Variants in BMPR2 observed in about 807,000 individuals in gnomAD.
BMPR2 encodes the protein bone morphogenetic protein receptor type-2.
In BMPR2, 29 loss-of-function variants were observed where a neutral mutation model predicts 100.8. The observed-to-expected ratio is 0.29, with a 90% CI of 0.21 to 0.39. BMPR2 has a LOEUF of 0.39. Among genes scored for constraint, BMPR2 ranks in the 10% least tolerant of loss-of-function variants. The probability of loss-of-function intolerance (pLI) is 1.00; values close to 1 mark genes in which losing one functional copy is unlikely to be tolerated. For synonymous variants in BMPR2, 382 were observed against 442.3 expected (o/e 0.86, Z 1.71); for missense variants, 1,011 against 1,274.5 (o/e 0.79, Z 3.15).
intron 1 of BMPR2, among the ~76,000 whole-genome samples, chr2:202,392,763 C>T (rs1319707051): frequency 1.3e-5 from 2 of 151,960 alleles, no homozygotes; most frequent in Admixed American, 6.6e-5. Flanking sequence ...GAGGCCGAGG[C>T]GGGCAGATCA....
chr2:202,412,169 A>G (rs750033468), intron 1 of BMPR2, among the ~76,000 whole-genome samples: 2 of 152,240 alleles, frequency 1.3e-5, no homozygotes, highest in Non-Finnish European at 2.9e-5. Flanking sequence ...CACATGTATT[A>G]GAGACACATG....
rs573779209 is a variant in BMPR2 at position 202,564,327 on chromosome 2, A to T, written c.*4381A>T. On this transcript the variant is annotated 3_prime_UTR_variant, in exon 13 of 13. Coordinates refer to ENST00000374580, the MANE Select transcript of BMPR2 (RefSeq NM_001204.7). ...GTTATGTGCAGGTTATTATGTAACT[A>T]TTCACAGATTGCTTCATATATTGCT... The T allele has an allele frequency of 6.6e-6, 1 of 152,328 alleles. No individual in the cohort carries two copies. The highest frequency in any genetic ancestry group is 1.9e-4 in the East Asian group (1 of 5,188). The allele number at this position is 152,328 out of a possible 1,614,324, so 9.4% of individuals were successfully genotyped here. A position where few individuals can be genotyped will look rare whatever the true frequency, so the allele number is the denominator to read the frequency against.
chr2:202,383,025 G>A (rs542039560), intron 1 of BMPR2, among the ~76,000 whole-genome samples: 2 of 152,262 alleles, frequency 1.3e-5, no homozygotes, highest in East Asian at 1.9e-4. Flanking sequence ...TCTACTTTTT[G>A]TGGTAATTAC....
At chr2:202,543,125 C>T (rs899972238) in intron 10 of BMPR2, among the ~76,000 whole-genome samples, 5 of 142,678 alleles carry the variant, frequency 3.5e-5, no homozygotes, top group East Asian at 2.0e-4. Flanking sequence ...TGCAATGAGC[C>T]GAGATCACAC....
chr2:202,456,160 T>TTTTG (rs982796874), intron 1 of BMPR2, among the ~76,000 whole-genome samples: 9 of 151,230 alleles, frequency 6.0e-5, no homozygotes, highest in Admixed American at 5.9e-4. Context: ...CACTATGTTT[T>TTTTG]TTTGTTTGTT....
rs1367128824 is a variant in BMPR2, at chr2:202,555,969, G to A, written c.2304G>A (p.Glu768=). The part of the protein sequence containing the change: ...LPLNTKNSTK[E]PRLKFGSKHK... ...TGAACACCAAAAATTCAACAAAAGA[G>A]CCCCGGCTAAAATTTGGCAGCAAGC... Residue 768 remains glutamate (E), a synonymous_variant, in exon 12 of 13, where the codon GAG becomes GAA. Coordinates refer to ENST00000374580, the MANE Select transcript of BMPR2 (RefSeq NM_001204.7). 8 of 1,614,078 alleles carry A rather than the reference G, an allele frequency of 5.0e-6. No individual in the cohort carries two copies. The highest frequency in any genetic ancestry group is 6.8e-6 in the Non-Finnish European group (8 of 1,180,010).
At chr2:202,509,155 A>G (rs1192463145) in intron 3 of BMPR2, among the ~76,000 whole-genome samples, 2 of 152,142 alleles carry the variant, frequency 1.3e-5, no homozygotes, top group African/African-American at 4.8e-5. Context: ...ATAACATTCT[A>G]GGGGATAAGT....
At chr2:202,445,796 C>T (rs1486278103) in intron 1 of BMPR2, among the ~76,000 whole-genome samples, 6 of 117,620 alleles carry the variant, frequency 5.1e-5, no homozygotes, top group South Asian at 2.5e-4. Flanking sequence ...TTTTTTGAGA[C>T]GGGAGTCTTG....
At chr2:202,451,923 T>C (rs953941630) in intron 1 of BMPR2, among the ~76,000 whole-genome samples, 1 of 151,908 alleles carries the variant, frequency 6.6e-6, no homozygotes, top group African/African-American at 2.4e-5. Context: ...CTAAATTTTT[T>C]GTGTGTTTTT....
intron 7 of BMPR2, among the ~76,000 whole-genome samples, chr2:202,530,279 T>TGA (rs1347591526): frequency 6.6e-6 from 1 of 152,152 alleles, no homozygotes; most frequent in African/African-American, 2.4e-5. Context: ...AAACTATTTG[T>TGA]GGTTAGATTT....
intron 12 of BMPR2, among the ~76,000 whole-genome samples, chr2:202,558,285 GTATT>G (rs1242313352): frequency 6.7e-6 from 1 of 149,770 alleles, no homozygotes; most frequent in Non-Finnish European, 1.5e-5. Context: ...GCTAATTATT[GTATT>G]TTAGTAAAGG....
At chr2:202,535,306 G>T (rs1405682403) in intron 9 of BMPR2, among the ~76,000 whole-genome samples, 1 of 151,622 alleles carries the variant, frequency 6.6e-6, no homozygotes, top group Non-Finnish European at 1.5e-5. Flanking sequence ...CTGCCGGGCG[G>T]AGGGGCTCCT....
chr2:202,409,885 G>A (rs758861463), intron 1 of BMPR2, among the ~76,000 whole-genome samples: 3 of 152,134 alleles, frequency 2.0e-5, no homozygotes, highest in Non-Finnish European at 2.9e-5. Flanking sequence ...AAATATTGTG[G>A]ATAATAAGAC....
intron 3 of BMPR2, among the ~76,000 whole-genome samples, chr2:202,496,454 G>A (rs1693029317): frequency 6.6e-6 from 1 of 152,094 alleles, no homozygotes; most frequent in South Asian, 2.1e-4. Flanking sequence ...TCCAGCCTGA[G>A]CGACAAAGTG....
intron 1 of BMPR2, among the ~76,000 whole-genome samples, chr2:202,431,701 G>C (rs1162788499): frequency 6.7e-6 from 1 of 150,356 alleles, no homozygotes; most frequent in African/African-American, 2.5e-5. Flanking sequence ...GTACAGGTTT[G>C]TAACCTAGGA....
Position 202,559,986 on chromosome 2 carries a change from C to A in BMPR2, c.*40C>A, listed in dbSNP as rs1360833311. The A allele has an allele frequency of 1.9e-6, 3 of 1,611,696 alleles. No homozygotes were observed. In the Admixed American group the frequency reaches 5.0e-5, roughly 27 times the overall value. On this transcript the variant is annotated 3_prime_UTR_variant, in exon 13 of 13. Transcript: ENST00000374580. ...TATGGAGTGAAATTATTTTTTGCAT[C>A]ATTTAAACATGCAGAAGATGTTTAA...
chr2:202,497,485 C>T (rs534331823), intron 3 of BMPR2, among the ~76,000 whole-genome samples: 1 of 152,236 alleles, frequency 6.6e-6, no homozygotes, highest in East Asian at 1.9e-4. Context: ...CTCTAACAAC[C>T]CCCGACTCTT....
chr2:202,427,071 C>T (rs1468179578), intron 1 of BMPR2, among the ~76,000 whole-genome samples: 2 of 152,134 alleles, frequency 1.3e-5, no homozygotes, highest in Non-Finnish European at 2.9e-5. Context: ...TGAAGGCGGG[C>T]TTGGCGAGGT....
intron 1 of BMPR2, among the ~76,000 whole-genome samples, chr2:202,415,478 AAAAT>A (rs1036605490): frequency 4.6e-5 from 7 of 152,202 alleles, no homozygotes; most frequent in Middle Eastern, 3.2e-3. Context: ...TCTCAAAAGA[AAAAT>A]AAATAAATAA....
Sources: allele counts gnomAD v4.1 joint callset (sites outside exome capture counted in the v4.1 genomes callset), GRCh38; gene constraint gnomAD v4.1.1; transcripts MANE v1.5; gene names NCBI Gene and HGNC (gene_info 2026-07-23, HGNC 2026-07-21).